The following PRC1 variants were observed in gnomAD, a reference collection of about 807,000 sequenced individuals.
PRC1 encodes protein regulator of cytokinesis 1.
A neutral mutation model predicts 91.2 loss-of-function variants in PRC1; 54 were observed. That is an observed-to-expected ratio of 0.59 (90% CI 0.48 to 0.74). The LOEUF is 0.74. Ranked by LOEUF, PRC1 falls within the 30% of genes least tolerant of loss-of-function variation. The pLI, the probability that PRC1 is intolerant of heterozygous loss-of-function variation, is 0.00. For synonymous variants in PRC1, 275 were observed against 263.6 expected (o/e 1.04, Z -0.42); for missense variants, 727 against 746.2 (o/e 0.97, Z 0.30).
intron 11 of PRC1, among the ~76,000 whole-genome samples, chr15:90,971,370 C>T (rs1174456986): frequency 6.6e-6 from 1 of 152,112 alleles, no homozygotes; most frequent in South Asian, 2.1e-4. Context: ...ACTGCAGCCT[C>T]GACCTCCTGG....
At position 90,980,224 on chromosome 15, in the gene PRC1, C is replaced by A; in HGVS notation, c.970+18G>T. On this transcript the variant is annotated intron_variant, in intron 7 of 14. Coordinates refer to ENST00000394249, the MANE Select transcript of PRC1 (RefSeq NM_003981.4). Reference sequence around the variant, plus strand: ...TGTCTCCAAACAAACAAACCAAAGACCTCACTCTTGTACTAACCAGCACAG... The same window carrying A: ...TGTCTCCAAACAAACAAACCAAAGAACTCACTCTTGTACTAACCAGCACAG... 6.3e-7 allele frequency: 1 copy of A among 1,580,902 alleles called. No individual in the cohort carries two copies. The highest frequency in any genetic ancestry group is 2.3e-5 in the East Asian group (1 of 43,896).
chr15:90,980,512 CTTTTTTT>C (rs35250469), intron 6 of PRC1, 123 bp from the exon 7 acceptor site: 334 of 492,372 alleles, frequency 6.8e-4, no homozygotes, highest in Middle Eastern at 9.6e-4. Context: ...TAAATCAACA[CTTTTTTT>C]TTTTTTTTTT....
rs371184055 is a variant in PRC1, at chr15:90,982,093, A to C, written c.268-112T>G. 3.7e-3 allele frequency: 3,545 copies of C among 969,994 alleles called. 108 individuals are homozygous for C. In the South Asian group the frequency reaches 0.051, roughly 14 times the overall value. 60.1% of individuals were successfully genotyped at this position (969,994 alleles called of 1,614,324 possible). A position where few individuals can be genotyped will look rare whatever the true frequency, so the allele number is the denominator to read the frequency against. On this transcript the variant is annotated intron_variant, in intron 3 of 14. Transcript: ENST00000394249. ...CAGACTTTCAGTTAAACTAACAAGTAAGTCAACTCATGGTCAACAGAATAT... is the reference window on the plus strand; with the variant it reads ...CAGACTTTCAGTTAAACTAACAAGTCAGTCAACTCATGGTCAACAGAATAT...
At chr15:90,991,614 A>T (rs1166259851) in intron 1 of PRC1, among the ~76,000 whole-genome samples, 1 of 151,828 alleles carries the variant, frequency 6.6e-6, no homozygotes, top group Non-Finnish European at 1.5e-5. Context: ...TACTGAACTT[A>T]ATTTTTTTTT....
rs757703318 is a variant in PRC1 at position 90,966,953 on chromosome 15, A to C, written c.*178T>G. ...AAAACCAAGTCTCCTAGGACCACTA[A>C]ACCTATGATGGGCTTTCAACTGTAA... On this transcript the variant is annotated 3_prime_UTR_variant, in exon 15 of 15. Transcript: ENST00000394249. The C allele has an allele frequency of 5.3e-5, 33 of 625,244 alleles. No homozygotes were observed. The highest frequency in any genetic ancestry group is 4.3e-4 in the Middle Eastern group (1 of 2,342). The allele number at this position is 625,244 out of a possible 1,614,324, so 38.7% of individuals were successfully genotyped here.
intron 8 of PRC1, among the ~76,000 whole-genome samples, chr15:90,978,032 A>C (rs2038880791): frequency 6.6e-6 from 1 of 152,182 alleles, no homozygotes; most frequent in Non-Finnish European, 1.5e-5. Context: ...AACTTGAAGG[A>C]GTTGAATTCA....
intron 12 of PRC1, 108 bp from the exon 13 acceptor site, chr15:90,969,731 T>A: frequency 1.5e-6 from 1 of 664,718 alleles, no homozygotes; most frequent in Non-Finnish European, 2.3e-6. Flanking sequence ...TATTCATGTC[T>A]ATAATCCTAT....
intron 11 of PRC1, among the ~76,000 whole-genome samples, chr15:90,971,430 C>T (rs2038116156): frequency 6.6e-6 from 1 of 152,194 alleles, no homozygotes; most frequent in Admixed American, 6.5e-5. Context: ...GGACCACAGG[C>T]GTGTGCCACC....
rs1206282555 is a variant in PRC1, at chr15:90,984,060, CTCTT to C, written c.221_224del (p.Lys74SerfsTer2). ...GTAACTCGCTGCACAGAGTGTTCAGCTCTTTCTGACAGACGGATATGCTTTTGAT... is the reference window on the plus strand; with the variant it reads ...GTAACTCGCTGCACAGAGTGTTCAGCTCTGACAGACGGATATGCTTTTGAT... On this transcript the variant is annotated frameshift_variant, in exon 3 of 15. Coordinates refer to ENST00000394249, the MANE Select transcript of PRC1 (RefSeq NM_003981.4). LOFTEE classifies it high-confidence loss of function. The surrounding 1 kb of genome is among the most constrained non-coding windows in gnomAD (Gnocchi z 5.1). 1.2e-6 allele frequency: 2 copies of C among 1,614,054 alleles called. No homozygotes were observed. The highest frequency in any genetic ancestry group is 2.7e-5 in the African/African-American group (2 of 74,930).
intron 1 of PRC1, among the ~76,000 whole-genome samples, chr15:90,986,558 TTTGCAGTGAGCCAAGG>T (rs1309241297): frequency 3.3e-5 from 5 of 151,820 alleles, no homozygotes; most frequent in Non-Finnish European, 7.4e-5. Context: ...GGAGGCAGGG[TTTGCAGTGAGCCAAGG>T]TTGCAGTGAG....
At chr15:90,967,329 A>G (rs746396299) in intron 14 of PRC1, 127 bp from the exon 15 acceptor site, 3 of 732,062 alleles carry the variant, frequency 4.1e-6, no homozygotes, top group Non-Finnish European at 7.2e-6. Flanking sequence ...CTAGCCTGCA[A>G]TAGGCTGCGT....
rs2039474009 is a variant in PRC1, at chr15:90,984,929, G to GA, written c.12-105dup. The GA allele has an allele frequency of 7.1e-7, 1 of 1,410,976 alleles. No individual in the cohort carries two copies. 87.4% of individuals were successfully genotyped at this position (1,410,976 alleles called of 1,614,324 possible). On this transcript the variant is annotated intron_variant, in intron 1 of 14. Coordinates refer to ENST00000394249, the MANE Select transcript of PRC1 (RefSeq NM_003981.4). This position sits in a 1 kb window ranked among gnomAD's most constrained non-coding sequence, Gnocchi z 5.1. ...AAGACTAGCTTCTCAGTGGCCTCGAGAAAAAAACAAATTGAAAACAAGCAT... is the reference window on the plus strand; with the variant it reads ...AAGACTAGCTTCTCAGTGGCCTCGAGAAAAAAAACAAATTGAAAACAAGCAT...
At position 90,970,463 on chromosome 15, in the gene PRC1, T is replaced by C. The variant is rs1372437001; in HGVS notation, c.1513A>G (p.Ile505Val). The C allele has an allele frequency of 1.9e-6, 3 of 1,613,914 alleles. No homozygotes were observed. Among genetic ancestry groups the C allele is most frequent in the South Asian group, 1.1e-5 (1 of 91,070 alleles). The change falls in exon 12 of 15, where the codon ATC (isoleucine) becomes GTC (valine). Residue 505 changes from isoleucine to valine, a missense_variant. Physicochemically the swap from Ile to Val is conservative, Grantham distance 29 (BLOSUM62 3). Transcript: ENST00000394249. The stretch of plus-strand genomic sequence containing the variant: ...GAGTGGTAGACTGTCCCTCCAAAGA[T>C]AGGCCGAATGCTACTATTGGCCGTA... ...NATANSSIRP[I>V]FGGTVYHSPV...
In PRC1 at chr15:90,980,252, A is replaced by G; in HGVS notation, c.960T>C (p.Pro320=). Residue 320 remains proline, a synonymous_variant, in exon 7 of 15, where the codon CCT becomes CCC. Transcript: ENST00000394249. ...YSQEQRQAFA[P]FCAEDYTESL... ...CACTCTTGTACTAACCAGCACAGAA[A>G]GGGGCAAAAGCTTGTCTCTGCTCCT... 1 of 1,611,332 alleles carries G rather than the reference A, an allele frequency of 6.2e-7. No individual in the cohort carries two copies.
chr15:90,975,572 T>TCC (rs1395239989), intron 9 of PRC1, among the ~76,000 whole-genome samples: 2 of 151,386 alleles, frequency 1.3e-5, no homozygotes, highest in African/African-American at 4.9e-5. Flanking sequence ...CCCACAGGAC[T>TCC]CTCTCTCAAA....
chr15:90,981,558 C>G lies in PRC1; in HGVS notation c.613G>C (p.Glu205Gln). ...TCCAAAGACAAACAAAAGGCATCTT[C>G]GTCTTCACACACCACATCTCTTTCA... Reference protein sequence around the residue: ...SFERDVVCEDEDAFCLSLENI... With the variant: ...SFERDVVCEDQDAFCLSLENI... Residue 205 changes from glutamate to glutamine, a missense_variant, in exon 5 of 15, where the codon GAA becomes CAA. Physicochemically the swap from Glu to Gln is conservative, Grantham distance 29. Coordinates refer to ENST00000394249, the MANE Select transcript of PRC1 (RefSeq NM_003981.4). 9 of 1,614,036 alleles carry G rather than the reference C, an allele frequency of 5.6e-6. No homozygotes were observed. Among genetic ancestry groups the G allele is most frequent in the Non-Finnish European group, 7.6e-6 (9 of 1,180,026 alleles).
intron 1 of PRC1, among the ~76,000 whole-genome samples, chr15:90,993,343 G>A (rs1056482355): frequency 8.6e-5 from 13 of 151,446 alleles, no homozygotes; most frequent in African/African-American, 2.9e-4. Context: ...TGAAAAGCTG[G>A]GGGTACAGGC....
chr15:90,966,439 G>A lies in PRC1; in HGVS notation c.*692C>T. ...CAGGCAAAGTAGGCACAGGAATGGGGGAGATGAGAGCCAAGGGACAAACGC... is the reference window on the plus strand; with the variant it reads ...CAGGCAAAGTAGGCACAGGAATGGGAGAGATGAGAGCCAAGGGACAAACGC... On this transcript the variant is annotated 3_prime_UTR_variant, in exon 15 of 15. Coordinates refer to ENST00000394249, the MANE Select transcript of PRC1 (RefSeq NM_003981.4). 2 of 378,322 alleles carry A rather than the reference G, an allele frequency of 5.3e-6. No homozygotes were observed. The allele number at this position is 378,322 out of a possible 1,614,324, so 23.4% of individuals were successfully genotyped here. A position where few individuals can be genotyped will look rare whatever the true frequency, so the allele number is the denominator to read the frequency against.
intron 1 of PRC1, among the ~76,000 whole-genome samples, chr15:90,986,850 G>A (rs2151589587): frequency 1.3e-5 from 2 of 149,914 alleles, no homozygotes; most frequent in East Asian, 2.0e-4. Context: ...TTTTAATGAA[G>A]TAAAATAAAC....
Sources: allele counts gnomAD v4.1 joint callset (sites outside exome capture counted in the v4.1 genomes callset), GRCh38; gene constraint gnomAD v4.1.1; non-coding constraint Gnocchi (gnomAD v3.1); transcripts MANE v1.5; gene names NCBI Gene and HGNC (gene_info 2026-07-23, HGNC 2026-07-21).